PRR5L: variants seen among roughly 807,000 people sequenced by gnomAD.
The protein encoded by PRR5L is proline-rich protein 5-like.
A neutral mutation model predicts 36.4 loss-of-function variants in PRR5L; 21 were observed. That is an observed-to-expected ratio of 0.58 (90% CI 0.41 to 0.83). The LOEUF (loss-of-function observed/expected upper bound fraction) is 0.83. Ranked by LOEUF, PRR5L falls within the 40% of genes least tolerant of loss-of-function variation. PRR5L has a pLI of 0.00. For missense variants in PRR5L, 381 were observed against 473.3 expected, an observed-to-expected ratio of 0.80 and a Z score of 1.81; for synonymous variants, 188 against 197.0, an observed-to-expected ratio of 0.95 and a Z score of 0.38.
chr11:36,347,658 C>G (rs190720308), intron 1 of PRR5L, among the ~76,000 whole-genome samples: 8 of 151,956 alleles, frequency 5.3e-5, no homozygotes, highest in Non-Finnish European at 1.0e-4. Context: ...GCCCTCACAT[C>G]CTAGAGAGGA....
chr11:36,428,049 G>A (rs1446326894), intron 4 of PRR5L, among the ~76,000 whole-genome samples: 1 of 152,202 alleles, frequency 6.6e-6, no homozygotes, highest in Non-Finnish European at 1.5e-5. Flanking sequence ...CAGGATGGCT[G>A]GCACTATGCC....
At chr11:36,297,838 G>A (rs1245259470) in intron 1 of PRR5L, among the ~76,000 whole-genome samples, 2 of 152,088 alleles carry the variant, frequency 1.3e-5, no homozygotes, top group Admixed American at 6.5e-5. Flanking sequence ...CATTTCCCAC[G>A]TTAAGCTTCC....
chr11:36,417,521 G>A (rs1341047394), intron 3 of PRR5L, among the ~76,000 whole-genome samples: 1 of 140,338 alleles, frequency 7.1e-6, no homozygotes, highest in Non-Finnish European at 1.6e-5. Flanking sequence ...AGAACTCCTG[G>A]GTTGTGTTGA....
chr11:36,403,430 G>T, intron 3 of PRR5L, 52 bp downstream of exon 3: 1 of 1,437,012 alleles, frequency 7.0e-7, no homozygotes, highest in Non-Finnish European at 9.8e-7. Flanking sequence ...CCTGAGCAGG[G>T]GCATAGGGGC....
At chr11:36,373,640 AT>A (rs1380098329) in intron 1 of PRR5L, among the ~76,000 whole-genome samples, 1 of 152,112 alleles carries the variant, frequency 6.6e-6, no homozygotes, top group Non-Finnish European at 1.5e-5. Flanking sequence ...TGCTTACAAA[AT>A]GAGAAACTCT....
At chr11:36,387,512 A>G (rs569729368) in intron 1 of PRR5L, among the ~76,000 whole-genome samples, 61 of 152,300 alleles carry the variant, frequency 4.0e-4, no homozygotes, top group African/African-American at 1.4e-3. Flanking sequence ...GAGTTCAAAC[A>G]TGGCTGAGGG....
intron 1 of PRR5L, among the ~76,000 whole-genome samples, chr11:36,325,315 C>A (rs1295123550): frequency 2.0e-5 from 3 of 152,216 alleles, no homozygotes; most frequent in African/African-American, 7.2e-5. Context: ...CAGCAGACAC[C>A]CTGCTGGATC....
chr11:36,419,155 C>A, intron 3 of PRR5L, 100 bp from the exon 4 acceptor site: 3 of 1,068,166 alleles, frequency 2.8e-6, no homozygotes, highest in Non-Finnish European at 4.4e-6. Context: ...CTCAAGATCT[C>A]AGACCTGGCC....
intron 3 of PRR5L, among the ~76,000 whole-genome samples, chr11:36,412,808 C>T (rs1468693382): frequency 6.6e-6 from 1 of 152,150 alleles, no homozygotes; most frequent in Non-Finnish European, 1.5e-5. Flanking sequence ...ATCACTCTCT[C>T]ATAGGGCCCA....
rs368869617 is a variant in PRR5L at position 36,316,365 on chromosome 11, A to C, written c.-126+19927A>C. ...AGAGCTGATTTATCAAGACAGGGGAATTGCAATGGAGAAAGAGTAATTCAT... is the reference window on the plus strand; with the variant it reads ...AGAGCTGATTTATCAAGACAGGGGACTTGCAATGGAGAAAGAGTAATTCAT... On this transcript the variant is annotated intron_variant, in intron 1 of 8. Transcript: ENST00000530639. Among the ~76,000 whole-genome samples the C allele has an allele frequency of 2.6e-3, 400 of 152,246 alleles. 1 individual carries two copies. The highest frequency in any genetic ancestry group is 9.2e-3 in the African/African-American group (383 of 41,558).
chr11:36,425,073 C>G (rs1221561572), intron 4 of PRR5L, among the ~76,000 whole-genome samples: 2 of 152,130 alleles, frequency 1.3e-5, no homozygotes, highest in East Asian at 3.9e-4. Flanking sequence ...CCACCCGCCT[C>G]GGCCTCCCAA....
intron 8 of PRR5L, among the ~76,000 whole-genome samples, chr11:36,457,591 G>A (rs182148175): frequency 1.2e-3 from 173 of 142,686 alleles, no homozygotes; most frequent in African/African-American, 4.4e-3. Flanking sequence ...GGGCAACAGA[G>A]TGAGACTCCG....
At chr11:36,388,738 G>A (rs1857504993) in intron 1 of PRR5L, among the ~76,000 whole-genome samples, 2 of 114,720 alleles carry the variant, frequency 1.7e-5, no homozygotes, top group Admixed American at 2.6e-4. Flanking sequence ...TCGCTCTGTC[G>A]CCCAGGCTGG....
intron 1 of PRR5L, among the ~76,000 whole-genome samples, chr11:36,380,261 A>G (rs1181282571): frequency 6.6e-6 from 1 of 152,190 alleles, no homozygotes; most frequent in African/African-American, 2.4e-5. Flanking sequence ...GATATTGTGA[A>G]TATAGAGAAT....
In PRR5L at chr11:36,464,068, G is replaced by C. The variant is rs150743743; in HGVS notation, c.*1332G>C. Reference sequence around the variant, plus strand: ...GAATTTCTAGCATGTGAAGCACTTGGGGGCAGCAGGCCTTGGCACGGTGCT... The same window carrying C: ...GAATTTCTAGCATGTGAAGCACTTGCGGGCAGCAGGCCTTGGCACGGTGCT... On this transcript the variant is annotated 3_prime_UTR_variant, in exon 9 of 9. Transcript: ENST00000530639. 6.9e-4 allele frequency: 105 copies of C among 152,284 alleles called. No homozygotes were observed. The highest frequency in any genetic ancestry group is 2.4e-3 in the African/African-American group (101 of 41,520). 9.4% of individuals were successfully genotyped at this position (152,284 alleles called of 1,614,324 possible).
chr11:36,356,548 A>G (rs1385375317), intron 1 of PRR5L, among the ~76,000 whole-genome samples: 1 of 152,074 alleles, frequency 6.6e-6, no homozygotes, highest in East Asian at 1.9e-4. Context: ...TGGCCAAGTC[A>G]ATTGGCCCCA....
rs1858633355 is a variant in PRR5L at position 36,437,658 on chromosome 11, TGAA to T, written c.444+188_444+190del. 2.0e-5 allele frequency among the ~76,000 whole-genome samples: 3 copies of T among 152,344 alleles called. No individual in the cohort carries two copies. In the South Asian group the frequency reaches 6.2e-4, roughly 32 times the overall value. ...TCTATATTTAGGGCCTAACTTCAAG[TGAA>T]GAAGAGTGCCTGCATAACTAGCAAT... On this transcript the variant is annotated intron_variant, in intron 6 of 8. Coordinates refer to ENST00000530639, the MANE Select transcript of PRR5L (RefSeq NM_001160167.2).
chr11:36,420,683 C>T (rs1049027153), intron 4 of PRR5L, among the ~76,000 whole-genome samples: 2 of 152,200 alleles, frequency 1.3e-5, no homozygotes, highest in South Asian at 2.1e-4. Flanking sequence ...CAATGTTATT[C>T]TGTGTCCAAA....
intron 1 of PRR5L, among the ~76,000 whole-genome samples, chr11:36,387,822 A>C (rs1857485815): frequency 1.3e-5 from 2 of 152,252 alleles, no homozygotes; most frequent in African/African-American, 4.8e-5. Context: ...GGTAGAATAA[A>C]GGTCACAAAC....
Sources: allele counts gnomAD v4.1 joint callset (sites outside exome capture counted in the v4.1 genomes callset), GRCh38; gene constraint gnomAD v4.1.1; transcripts MANE v1.5; gene names NCBI Gene and HGNC (gene_info 2026-07-23, HGNC 2026-07-21).